CDH18: variants seen among roughly 807,000 people sequenced by gnomAD.
The protein encoded by CDH18 is cadherin 18.
Under a neutral mutation model 67.9 loss-of-function variants are expected in CDH18, and 31 were observed. That is an observed-to-expected ratio of 0.46 (90% CI 0.34 to 0.62). The LOEUF (loss-of-function observed/expected upper bound fraction) is 0.62, where lower values mean the gene tolerates loss of function less well. CDH18 is among the 20% of genes least tolerant of loss of function. The pLI is 0.01. For synonymous variants in CDH18, 362 were observed against 347.2 expected, an observed-to-expected ratio of 1.04 and a Z score of -0.48; for missense variants, 890 against 975.5, an observed-to-expected ratio of 0.91 and a Z score of 1.17.
At chr5:19,863,721 A>G (rs1243889585) in intron 2 of CDH18, among the ~76,000 whole-genome samples, 2 of 152,178 alleles carry the variant, frequency 1.3e-5, no homozygotes, top group Admixed American at 1.3e-4. Flanking sequence ...TGCAGAAGGG[A>G]GGCATAAAGC....
At chr5:20,438,163 G>C (rs997807268) in intron 1 of CDH18, among the ~76,000 whole-genome samples, 1 of 150,706 alleles carries the variant, frequency 6.6e-6, no homozygotes, top group Admixed American at 6.6e-5. Context: ...CACGAATAAA[G>C]TACTTTCCTT....
At chr5:19,494,283 T>A (rs1741939070) in intron 11 of CDH18, among the ~76,000 whole-genome samples, 2 of 152,218 alleles carry the variant, frequency 1.3e-5, no homozygotes, top group Admixed American at 1.3e-4. Flanking sequence ...TTACATTGCA[T>A]GTGTGTTTTC....
rs181963883 is a variant in CDH18, at chr5:20,342,835, T to C, written c.-579-87330A>G. Among the ~76,000 whole-genome samples the C allele has an allele frequency of 5.8e-3, 888 of 152,294 alleles. 5 individuals are homozygous for C. The highest frequency in any genetic ancestry group is 7.7e-3 in the Non-Finnish European group (525 of 68,034). ...ATGAGTGAGCTGGAAATGCTTGACCTCCCTGGTTTAGTGTAGAGTAAGGGA... is the reference window on the plus strand; with the variant it reads ...ATGAGTGAGCTGGAAATGCTTGACCCCCCTGGTTTAGTGTAGAGTAAGGGA... On this transcript the variant is annotated intron_variant, in intron 1 of 14. Coordinates refer to the CDH18 transcript ENST00000507958.
intron 2 of CDH18, among the ~76,000 whole-genome samples, chr5:20,019,992 C>T (rs1335944477): frequency 6.6e-6 from 1 of 152,258 alleles, no homozygotes; most frequent in Non-Finnish European, 1.5e-5. Context: ...AGATGAGGAC[C>T]TTACTAGGAA....
chr5:19,952,338 T>G (rs538117732), intron 2 of CDH18, among the ~76,000 whole-genome samples: 2 of 152,226 alleles, frequency 1.3e-5, no homozygotes, highest in South Asian at 2.1e-4. Flanking sequence ...CATGAACCAC[T>G]GCACCCAGCC....
chr5:19,887,634 T>C (rs1165303141), intron 2 of CDH18, among the ~76,000 whole-genome samples: 1 of 151,906 alleles, frequency 6.6e-6, no homozygotes, highest in Non-Finnish European at 1.5e-5. Context: ...AGTGGCATGA[T>C]CATATTTCAC....
intron 8 of CDH18, among the ~76,000 whole-genome samples, chr5:19,564,066 G>T: frequency 6.6e-6 from 1 of 152,164 alleles, no homozygotes; most frequent in East Asian, 1.9e-4. Flanking sequence ...TCAACCCAGT[G>T]GTCAAAACCT....
At chr5:19,983,799 G>T (rs561314247) in intron 1 of CDH18, among the ~76,000 whole-genome samples, 2 of 152,304 alleles carry the variant, frequency 1.3e-5, no homozygotes, top group South Asian at 4.1e-4. Flanking sequence ...TACCAGCAGT[G>T]ATAGAGGTTC....
chr5:19,631,945 G>C (rs1752481468), intron 5 of CDH18, among the ~76,000 whole-genome samples: 1 of 152,020 alleles, frequency 6.6e-6, no homozygotes, highest in Non-Finnish European at 1.5e-5. Flanking sequence ...GTATAGTTGA[G>C]GGTTTAGAGT....
intron 2 of CDH18, among the ~76,000 whole-genome samples, chr5:20,011,714 A>G (rs1268257055): frequency 4.6e-5 from 7 of 152,052 alleles, no homozygotes; most frequent in Non-Finnish European, 1.0e-4. Flanking sequence ...TGAGATAATC[A>G]TGTGGTTTCA....
intron 5 of CDH18, among the ~76,000 whole-genome samples, chr5:19,659,919 T>C (rs1001969213): frequency 1.3e-5 from 2 of 152,096 alleles, no homozygotes; most frequent in African/African-American, 4.8e-5. Context: ...AATATGATAC[T>C]AGTTCTTTAG....
intron 2 of CDH18, among the ~76,000 whole-genome samples, chr5:20,014,297 G>T (rs1210808677): frequency 6.6e-6 from 1 of 152,140 alleles, no homozygotes; most frequent in Admixed American, 6.6e-5. Flanking sequence ...GCAAGAAAGA[G>T]AAACAGAAGG....
At chr5:20,493,356 T>TAAAAA (rs148292031) in intron 1 of CDH18, among the ~76,000 whole-genome samples, 3,227 of 47,158 alleles carry the variant, frequency 0.068, 212 homozygotes, top group Middle Eastern at 0.095. Flanking sequence ...TTCAGAAAAT[T>TAAAAA]AAAAAAAAAA....
intron 2 of CDH18, among the ~76,000 whole-genome samples, chr5:20,031,125 A>G (rs2150451562): frequency 6.6e-6 from 1 of 152,196 alleles, no homozygotes; most frequent in East Asian, 1.9e-4. Context: ...CAGTGTTTTT[A>G]GCAGAAAGTT....
At chr5:20,203,670 A>T (rs1489026291) in intron 2 of CDH18, among the ~76,000 whole-genome samples, 1 of 151,928 alleles carries the variant, frequency 6.6e-6, no homozygotes, top group Non-Finnish European at 1.5e-5. Flanking sequence ...CCAGACAGAG[A>T]AGATTGGAAT....
At chr5:20,519,209 T>C (rs1755569255) in intron 1 of CDH18, among the ~76,000 whole-genome samples, 1 of 152,106 alleles carries the variant, frequency 6.6e-6, no homozygotes, top group Non-Finnish European at 1.5e-5. Context: ...AAAATATTAG[T>C]TTGAAATAAT....
chr5:20,015,993 C>A (rs1737845050), intron 2 of CDH18, among the ~76,000 whole-genome samples: 1 of 152,028 alleles, frequency 6.6e-6, no homozygotes. Flanking sequence ...AATTGTTCTA[C>A]CATAAAGACA....
At chr5:20,305,985 C>A (rs1040753566) in intron 1 of CDH18, 1 of 154,824 alleles carries the variant, frequency 6.5e-6, no homozygotes, top group Admixed American at 6.4e-5. Flanking sequence ...ACTGTAGCTG[C>A]ATATATATAC....
At chr5:20,110,373 A>G (rs1288241041) in intron 2 of CDH18, among the ~76,000 whole-genome samples, 1 of 152,218 alleles carries the variant, frequency 6.6e-6, no homozygotes, top group African/African-American at 2.4e-5. Context: ...ATTACATGTC[A>G]GCCACATTTT....
Sources: allele counts gnomAD v4.1 joint callset (sites outside exome capture counted in the v4.1 genomes callset), GRCh38; gene constraint gnomAD v4.1.1; transcripts MANE v1.5; gene names NCBI Gene and HGNC (gene_info 2026-07-23, HGNC 2026-07-21).